THADA: variants seen among roughly 807,000 people sequenced by gnomAD.
THADA encodes tRNA (32-2'-O)-methyltransferase regulator THADA.
In THADA, 213 loss-of-function variants were observed where a neutral mutation model predicts 219.8. The observed-to-expected ratio is 0.97, with a 90% CI of 0.87 to 1.09. The LOEUF is 1.09. Among genes scored for constraint, THADA ranks in the 50% least tolerant of loss-of-function variants. The probability of loss-of-function intolerance (pLI) is 0.00; values close to 1 mark genes in which losing one functional copy is unlikely to be tolerated. For synonymous variants in THADA, 1,018 were observed against 828.9 expected (o/e 1.23, Z -3.92); for missense variants, 2,956 against 2,311.3 (o/e 1.28, Z -5.72).
chr2:43,285,408 C>T (rs564043783), intron 35 of THADA, among the ~76,000 whole-genome samples: 1 of 152,178 alleles, frequency 6.6e-6, no homozygotes, highest in Admixed American at 6.5e-5. Flanking sequence ...CCTGCTCTCT[C>T]TCTCTCCTGC....
intron 8 of THADA, among the ~76,000 whole-genome samples, chr2:43,580,024 C>CTTTTTTTT (rs34171011): frequency 8.1e-6 from 1 of 122,834 alleles, no homozygotes; most frequent in African/African-American, 3.2e-5. Flanking sequence ...AAAGCTACTT[C>CTTTTTTTT]TTTTTTTTTT....
At chr2:43,396,088 T>C (rs1674009979) in intron 29 of THADA, among the ~76,000 whole-genome samples, 1 of 152,172 alleles carries the variant, frequency 6.6e-6, no homozygotes, top group South Asian at 2.1e-4. Flanking sequence ...TGAATATTGA[T>C]AGACAAAACT....
chr2:43,341,967 T>G (rs1667107099), intron 30 of THADA, among the ~76,000 whole-genome samples: 1 of 152,238 alleles, frequency 6.6e-6, no homozygotes, highest in African/African-American at 2.4e-5. Context: ...TCCCAGCACT[T>G]TGGGAGGCCG....
intron 28 of THADA, among the ~76,000 whole-genome samples, chr2:43,419,048 A>G (rs983634069): frequency 1.7e-4 from 26 of 152,314 alleles, no homozygotes; most frequent in African/African-American, 6.3e-4. Context: ...GCTATAAAAC[A>G]AAGGAGAGGA....
intron 31 of THADA, among the ~76,000 whole-genome samples, chr2:43,311,445 A>G (rs1019350895): frequency 1.3e-5 from 2 of 152,216 alleles, no homozygotes; most frequent in Non-Finnish European, 2.9e-5. Flanking sequence ...GACTCTTTGG[A>G]AACAATTTAG....
intron 35 of THADA, among the ~76,000 whole-genome samples, chr2:43,283,091 T>C (rs1420545168): frequency 6.6e-6 from 1 of 152,150 alleles, no homozygotes; most frequent in Non-Finnish European, 1.5e-5. Context: ...GGTTTAAAAG[T>C]GTGTGGCACT....
chr2:43,430,532 T>A (rs1410597656), intron 26 of THADA: 1 of 533,386 alleles, frequency 1.9e-6, no homozygotes, highest in Non-Finnish European at 3.5e-6. Context: ...TAAGATTATG[T>A]ATGTTTACAA....
intron 36 of THADA, among the ~76,000 whole-genome samples, chr2:43,271,864 C>T (rs1378604558): frequency 6.6e-6 from 1 of 152,196 alleles, no homozygotes; most frequent in African/African-American, 2.4e-5. Context: ...ATCCACTTGC[C>T]TCGGCCTCCC....
At chr2:43,513,157 T>C (rs1690708606) in intron 22 of THADA, among the ~76,000 whole-genome samples, 1 of 152,204 alleles carries the variant, frequency 6.6e-6, no homozygotes, top group African/African-American at 2.4e-5. Context: ...TTTGTTCTTA[T>C]GTCTAATAAG....
intron 26 of THADA, among the ~76,000 whole-genome samples, chr2:43,433,473 G>GAGCC (rs1679648980): frequency 6.6e-6 from 1 of 151,910 alleles, no homozygotes; most frequent in Non-Finnish European, 1.5e-5. Context: ...AGGTTGCAGC[G>GAGCC]AGCCAAGATC....
At chr2:43,395,270 A>C (rs933104948) in intron 29 of THADA, among the ~76,000 whole-genome samples, 3 of 152,234 alleles carry the variant, frequency 2.0e-5, no homozygotes, top group African/African-American at 4.8e-5. Context: ...CACTTTGAAA[A>C]GGCTGTTCTA....
intron 29 of THADA, among the ~76,000 whole-genome samples, chr2:43,396,591 A>C (rs752935897): frequency 7.2e-5 from 11 of 152,188 alleles, no homozygotes; most frequent in Admixed American, 2.0e-4. Flanking sequence ...ACTTGAGGTC[A>C]GGAGTTCGAG....
At chr2:43,258,866 C>T (rs994077809) in intron 36 of THADA, among the ~76,000 whole-genome samples, 5 of 152,088 alleles carry the variant, frequency 3.3e-5, no homozygotes, top group African/African-American at 1.2e-4. Flanking sequence ...GCTGTTTTGG[C>T]CCCCTCCCCC....
At chr2:43,433,421 C>A (rs1443863709) in intron 26 of THADA, among the ~76,000 whole-genome samples, 1 of 151,882 alleles carries the variant, frequency 6.6e-6, no homozygotes, top group Non-Finnish European at 1.5e-5. Context: ...CCCAGCTACT[C>A]TGGAGGCTGA....
At chr2:43,399,043 A>G (rs933642006) in intron 28 of THADA, among the ~76,000 whole-genome samples, 1 of 152,196 alleles carries the variant, frequency 6.6e-6, no homozygotes, top group Non-Finnish European at 1.5e-5. Context: ...TTCACAAACA[A>G]TCAGAAACTT....
intron 30 of THADA, among the ~76,000 whole-genome samples, chr2:43,335,701 G>A (rs2104511549): frequency 6.6e-6 from 1 of 150,998 alleles, no homozygotes; most frequent in South Asian, 2.1e-4. Flanking sequence ...GCTCATGTCT[G>A]TAATGCCAGC....
chr2:43,586,097 T>C (rs1700994878), intron 7 of THADA, among the ~76,000 whole-genome samples: 2 of 151,770 alleles, frequency 1.3e-5, no homozygotes, highest in Admixed American at 1.3e-4. Flanking sequence ...AGACTCTGTC[T>C]CCAAAAAAAT....
chr2:43,435,247 G>A (rs1305494215), intron 26 of THADA, among the ~76,000 whole-genome samples: 3 of 152,148 alleles, frequency 2.0e-5, no homozygotes, highest in African/African-American at 7.2e-5. Context: ...CTGAGGTCGG[G>A]AGTTCAAGAC....
chr2:43,310,231 C>A (rs887332668), intron 31 of THADA, among the ~76,000 whole-genome samples: 1 of 124,794 alleles, frequency 8.0e-6, no homozygotes, highest in Non-Finnish European at 1.7e-5. Context: ...TTCCCGCCCC[C>A]CCCCCAAACA....
Sources: allele counts gnomAD v4.1 joint callset (sites outside exome capture counted in the v4.1 genomes callset), GRCh38; gene constraint gnomAD v4.1.1; transcripts MANE v1.5; gene names NCBI Gene and HGNC (gene_info 2026-07-23, HGNC 2026-07-21).